LMNTD1: variants seen among roughly 807,000 people sequenced by gnomAD.
The protein encoded by LMNTD1 is lamin tail domain containing 1.
Under a neutral mutation model 50.9 loss-of-function variants are expected in LMNTD1, and 35 were observed. The observed-to-expected ratio is 0.69, with a 90% confidence interval of 0.53 to 0.91. The LOEUF (loss-of-function observed/expected upper bound fraction) is 0.91. Ranked by LOEUF, LMNTD1 falls within the 40% of genes least tolerant of loss-of-function variation. The pLI is 0.00. For missense variants in LMNTD1, 470 were observed against 475.5 expected (o/e 0.99, Z 0.11); for synonymous variants, 153 against 161.9 (o/e 0.94, Z 0.42).
intron 1 of LMNTD1, among the ~76,000 whole-genome samples, chr12:25,558,580 T>C (rs1013316864): frequency 1.3e-5 from 2 of 152,242 alleles, no homozygotes; most frequent in Non-Finnish European, 2.9e-5. Context: ...TCTGTTCTCA[T>C]GCTGCTAACA....
At chr12:25,632,123 T>C (rs550762278) in intron 1 of LMNTD1, among the ~76,000 whole-genome samples, 1 of 152,184 alleles carries the variant, frequency 6.6e-6, no homozygotes, top group Non-Finnish European at 1.5e-5. Flanking sequence ...TAAGAAAATA[T>C]GAACAAAGCC....
intron 1 of LMNTD1, chr12:25,648,401 C>G: frequency 9.7e-7 from 1 of 1,029,132 alleles, no homozygotes; most frequent in Non-Finnish European, 1.5e-6. Context: ...GATATGACCA[C>G]TTTCTAAAGT....
At chr12:25,634,281 A>G (rs1238628348) in intron 1 of LMNTD1, among the ~76,000 whole-genome samples, 6 of 152,176 alleles carry the variant, frequency 3.9e-5, no homozygotes, top group Admixed American at 3.3e-4. Flanking sequence ...TACCAATCCT[A>G]TTGACACTAT....
intron 1 of LMNTD1, among the ~76,000 whole-genome samples, chr12:25,599,066 A>C (rs1361804249): frequency 6.6e-6 from 1 of 152,090 alleles, no homozygotes; most frequent in Non-Finnish European, 1.5e-5. Context: ...AGTCCTCAAC[A>C]AAATGCCAGC....
chr12:25,477,410 C>T (rs934215795), intron 9 of LMNTD1, among the ~76,000 whole-genome samples: 2 of 151,538 alleles, frequency 1.3e-5, no homozygotes, highest in Non-Finnish European at 2.9e-5. Context: ...TAAAATCGGT[C>T]GTAGAAAGCA....
chr12:25,610,358 A>G (rs913261158), intron 1 of LMNTD1, among the ~76,000 whole-genome samples: 2 of 152,030 alleles, frequency 1.3e-5, no homozygotes, highest in African/African-American at 4.8e-5. Flanking sequence ...CTTTCTGACC[A>G]GTCCCAATGA....
chr12:25,566,523 A>G (rs1339739398), intron 1 of LMNTD1, among the ~76,000 whole-genome samples: 1 of 152,182 alleles, frequency 6.6e-6, no homozygotes, highest in Non-Finnish European at 1.5e-5. Flanking sequence ...TTAGTTCTTT[A>G]AGAAATCTCC....
At chr12:25,484,007 A>G (rs1938528408) in intron 9 of LMNTD1, among the ~76,000 whole-genome samples, 2 of 152,020 alleles carry the variant, frequency 1.3e-5, no homozygotes, top group African/African-American at 4.8e-5. Context: ...ATTAACCTCA[A>G]ACTTGACAGA....
At chr12:25,577,209 T>C (rs1419738892) in intron 1 of LMNTD1, among the ~76,000 whole-genome samples, 1 of 152,230 alleles carries the variant, frequency 6.6e-6, no homozygotes, top group Non-Finnish European at 1.5e-5. Flanking sequence ...TTTAAAGTAG[T>C]TTTTTCCCAT....
intron 1 of LMNTD1, among the ~76,000 whole-genome samples, chr12:25,599,176 T>A (rs1157075286): frequency 6.6e-6 from 1 of 151,990 alleles, no homozygotes; most frequent in Non-Finnish European, 1.5e-5. Flanking sequence ...TATCAATCAA[T>A]GTGATACATC....
intron 1 of LMNTD1, among the ~76,000 whole-genome samples, chr12:25,580,428 A>C (rs1945234765): frequency 6.6e-6 from 1 of 151,916 alleles, no homozygotes; most frequent in Non-Finnish European, 1.5e-5. Flanking sequence ...TATGAATAAC[A>C]CTCCCAGTTG....
chr12:25,551,167 A>T lies in LMNTD1; in HGVS notation c.90-1621T>A, dbSNP rs1292938236. On this transcript the variant is annotated intron_variant, in intron 2 of 9. Transcript: ENST00000458174. ...CAGAGAAATGCTTTTCTCTTTCAACATTCCTTACATCTGGGCTTCATAACA... is the reference window on the plus strand; with the variant it reads ...CAGAGAAATGCTTTTCTCTTTCAACTTTCCTTACATCTGGGCTTCATAACA... 2.0e-5 allele frequency among the ~76,000 whole-genome samples: 3 copies of T among 152,248 alleles called. No homozygotes were observed. In the East Asian group the frequency reaches 5.8e-4, roughly 29 times the overall value.
intron 1 of LMNTD1, among the ~76,000 whole-genome samples, chr12:25,619,244 C>CTA (rs1191217404): frequency 1.6e-4 from 12 of 73,644 alleles, no homozygotes; most frequent in African/African-American, 5.5e-4. Context: ...CTCTCTCTCT[C>CTA]TCTCTCTCTA....
chr12:25,548,987 T>C (rs1943595008), intron 3 of LMNTD1, among the ~76,000 whole-genome samples: 1 of 152,008 alleles, frequency 6.6e-6, no homozygotes, highest in Non-Finnish European at 1.5e-5. Flanking sequence ...TCTGGTAGTG[T>C]TCAGAGGAAG....
At chr12:25,646,109 T>C (rs1947064445) in intron 1 of LMNTD1, among the ~76,000 whole-genome samples, 1 of 152,042 alleles carries the variant, frequency 6.6e-6, no homozygotes, top group Non-Finnish European at 1.5e-5. Flanking sequence ...AAAAATAAAA[T>C]CACAATACCT....
At chr12:25,554,293 C>G (rs1789145641), upstream of LMNTD1, among the ~76,000 whole-genome samples, 2 of 152,230 alleles carry the variant, frequency 1.3e-5, no homozygotes, top group Non-Finnish European at 2.9e-5. Flanking sequence ...AAAAATTTCT[C>G]TACTTGAACT....
At chr12:25,525,620 T>C (rs1383254781) in intron 6 of LMNTD1, among the ~76,000 whole-genome samples, 1 of 152,142 alleles carries the variant, frequency 6.6e-6, no homozygotes, top group Non-Finnish European at 1.5e-5. Flanking sequence ...CCCTTTGACA[T>C]TGGGAAGAGA....
chr12:25,548,673 G>A (rs1232073368), intron 3 of LMNTD1, among the ~76,000 whole-genome samples: 1 of 151,904 alleles, frequency 6.6e-6, no homozygotes, highest in Non-Finnish European at 1.5e-5. Context: ...AAGGATGATA[G>A]TGTTTTCAGT....
chr12:25,487,206 G>A (rs1329647884), intron 9 of LMNTD1, among the ~76,000 whole-genome samples: 6 of 127,046 alleles, frequency 4.7e-5, no homozygotes, highest in African/African-American at 6.0e-5. Context: ...TTTCTGTCTC[G>A]TTGATCTGTC....
Sources: gnomAD v4.1 joint callset for allele counts (sites outside exome capture counted in the v4.1 genomes callset) on GRCh38, gnomAD v4.1.1 for gene constraint, MANE v1.5 for transcripts, NCBI Gene and HGNC (gene_info 2026-07-23, HGNC 2026-07-21) for gene names.